The following TBC1D5 variants were observed in gnomAD, a reference collection of about 807,000 sequenced individuals.
The protein encoded by TBC1D5 is TBC1 domain family member 5, also known as TBC1 domain family, member 5.
TBC1D5 carries 75 observed loss-of-function variants against 100.3 expected under a neutral mutation model. That is an observed-to-expected ratio of 0.75 (90% CI 0.62 to 0.91). The LOEUF (loss-of-function observed/expected upper bound fraction) is 0.91. Ranked by LOEUF, TBC1D5 falls within the 40% of genes least tolerant of loss-of-function variation. The probability of loss-of-function intolerance (pLI) is 0.00; values close to 1 mark genes in which losing one functional copy is unlikely to be tolerated. For missense variants in TBC1D5, 910 were observed against 942.4 expected, an observed-to-expected ratio of 0.97 and a Z score of 0.45; for synonymous variants, 323 against 325.6, an observed-to-expected ratio of 0.99 and a Z score of 0.09.
At chr3:17,464,382 G>A (rs1485333302) in intron 3 of TBC1D5, among the ~76,000 whole-genome samples, 1 of 152,000 alleles carries the variant, frequency 6.6e-6, no homozygotes. Flanking sequence ...ATTTTATTGT[G>A]TTTTTCTACT....
chr3:17,294,145 A>G (rs1467101685), intron 14 of TBC1D5, among the ~76,000 whole-genome samples: 1 of 152,268 alleles, frequency 6.6e-6, no homozygotes, highest in Non-Finnish European at 1.5e-5. Flanking sequence ...TAAGTATACT[A>G]GAAGATCAGC....
chr3:17,440,800 C>T (rs2094637523), intron 3 of TBC1D5, among the ~76,000 whole-genome samples: 1 of 152,008 alleles, frequency 6.6e-6, no homozygotes, highest in African/African-American at 2.4e-5. Flanking sequence ...AGCCACCATG[C>T]CCAGCAAATT....
chr3:17,292,028 A>G, intron 14 of TBC1D5, 27 bp from the exon 15 acceptor site: 1 of 1,563,604 alleles, frequency 6.4e-7, no homozygotes, highest in Non-Finnish European at 8.8e-7. Context: ...AATAATTCAG[A>G]TGCAATACTA....
rs563516489 is a variant in TBC1D5 at position 17,553,163 on chromosome 3, T to C, written c.-35-44558A>G. On this transcript the variant is annotated intron_variant, in intron 2 of 21. Coordinates refer to ENST00000253692, the Ensembl canonical transcript of TBC1D5. ...GTAAGAAAGAGAGGGAATGGTGTCA[T>C]GTGTCCCTGCTGCTATTTAAAGAAC... 1.7e-3 allele frequency among the ~76,000 whole-genome samples: 255 copies of C among 152,280 alleles called. 2 individuals carry two copies. Among genetic ancestry groups the C allele is most frequent in the African/African-American group, 5.9e-3 (246 of 41,576 alleles).
intron 3 of TBC1D5, among the ~76,000 whole-genome samples, chr3:17,488,127 C>G (rs1482572927): frequency 1.3e-5 from 2 of 151,902 alleles, no homozygotes; most frequent in African/African-American, 4.8e-5. Context: ...TGTGCTCCAC[C>G]TATTCATTCT....
chr3:17,635,138 G>A (rs2063799819), intron 1 of TBC1D5, among the ~76,000 whole-genome samples: 2 of 152,182 alleles, frequency 1.3e-5, no homozygotes, highest in South Asian at 4.1e-4. Flanking sequence ...TGTGCTACTA[G>A]AAGGATGGAT....
At chr3:17,423,165 CT>C (rs971352883) in intron 4 of TBC1D5, among the ~76,000 whole-genome samples, 1 of 151,960 alleles carries the variant, frequency 6.6e-6, no homozygotes, top group African/African-American at 2.4e-5. Context: ...AGACAAGTGC[CT>C]TTTTTTGTCT....
At chr3:17,509,043 A>G (rs2095873444) in intron 2 of TBC1D5, among the ~76,000 whole-genome samples, 1 of 152,164 alleles carries the variant, frequency 6.6e-6, no homozygotes, top group Non-Finnish European at 1.5e-5. Context: ...AGTGTATTAC[A>G]CATGTACTTC....
intron 8 of TBC1D5, among the ~76,000 whole-genome samples, chr3:17,399,489 ACTC>A: frequency 6.6e-6 from 1 of 151,846 alleles, no homozygotes; most frequent in African/African-American, 2.4e-5. Flanking sequence ...CCATCTACCT[ACTC>A]CTGTCTTTAT....
At chr3:17,712,631 G>C (rs1230220243) in intron 1 of TBC1D5, among the ~76,000 whole-genome samples, 1 of 152,140 alleles carries the variant, frequency 6.6e-6, no homozygotes, top group Non-Finnish European at 1.5e-5. Context: ...GGGAATACGA[G>C]AGTCCCACTT....
chr3:17,327,324 C>A (rs2086271889), intron 13 of TBC1D5, among the ~76,000 whole-genome samples: 1 of 152,152 alleles, frequency 6.6e-6, no homozygotes, highest in Non-Finnish European at 1.5e-5. Flanking sequence ...CCAGAGAGAT[C>A]GTTTCAAAAG....
chr3:17,345,714 T>C (rs1394103218), intron 13 of TBC1D5, among the ~76,000 whole-genome samples: 13 of 152,188 alleles, frequency 8.5e-5, no homozygotes, highest in African/African-American at 2.4e-4. Flanking sequence ...ATGTGGCACA[T>C]ATACACCATG....
intron 21 of TBC1D5, among the ~76,000 whole-genome samples, chr3:17,166,319 C>T (rs2733484): frequency 0.76 from 115,253 of 152,148 alleles, 44,349 homozygotes; most frequent in East Asian, 0.91. Flanking sequence ...AGTCCCTCCC[C>T]ATGAAGGCAA....
At chr3:17,352,446 A>G in intron 13 of TBC1D5, among the ~76,000 whole-genome samples, 1 of 151,986 alleles carries the variant, frequency 6.6e-6, no homozygotes, top group Middle Eastern at 3.2e-3. Context: ...AAAAGAAGAG[A>G]AATAAATTTT....
intron 13 of TBC1D5, among the ~76,000 whole-genome samples, chr3:17,335,420 CTGGTGGT>C (rs2087569706): frequency 1.3e-5 from 2 of 152,072 alleles, no homozygotes; most frequent in Admixed American, 6.6e-5. Flanking sequence ...CTAGATCTTT[CTGGTGGT>C]CAAAGCAGCA....
At chr3:17,478,015 A>T (rs1477141732) in intron 3 of TBC1D5, among the ~76,000 whole-genome samples, 2 of 152,136 alleles carry the variant, frequency 1.3e-5, no homozygotes, top group African/African-American at 2.4e-5. Context: ...TAGAAATGTG[A>T]TTGAAATTAA....
At chr3:17,326,887 G>C (rs1003614111) in intron 13 of TBC1D5, among the ~76,000 whole-genome samples, 1 of 152,150 alleles carries the variant, frequency 6.6e-6, no homozygotes, top group Non-Finnish European at 1.5e-5. Context: ...TAGTTGCTCA[G>C]GAGCCAAAAA....
Position 17,484,455 on chromosome 3 carries a change from G to GGTGTGTGTGTGTGTGTGTGT in TBC1D5, c.97+23999_97+24018dup, listed in dbSNP as rs34847216. On this transcript the variant is annotated intron_variant, in intron 3 of 21. Coordinates refer to ENST00000253692, the Ensembl canonical transcript of TBC1D5. ...TTTAAAGATAATAAGGTAACACCAG[G>GGTGTGTGTGTGTGTGTGTGT]GTGTGTGTGTGTGTGTGTGTGTGTG... is the stretch of plus-strand genomic sequence containing the variant. Among the ~76,000 whole-genome samples, 193 of 111,538 alleles carry GGTGTGTGTGTGTGTGTGTGT rather than the reference G, an allele frequency of 1.7e-3. 3 individuals carry two copies. The highest frequency in any genetic ancestry group is 4.0e-3 in the South Asian group (13 of 3,244). 73.2% of individuals were successfully genotyped at this position (111,538 alleles called of 152,430 possible).
intron 1 of TBC1D5, among the ~76,000 whole-genome samples, chr3:17,648,675 A>G (rs1384544217): frequency 7.3e-6 from 1 of 137,862 alleles, no homozygotes; most frequent in East Asian, 1.9e-4. Flanking sequence ...AAAAAACACA[A>G]ACAGACACTT....
Sources: allele counts gnomAD v4.1 joint callset (sites outside exome capture counted in the v4.1 genomes callset), GRCh38; gene constraint gnomAD v4.1.1; transcripts MANE v1.5; gene names NCBI Gene and HGNC (gene_info 2026-07-23, HGNC 2026-07-21).